CSMD1: variants seen among roughly 807,000 people sequenced by gnomAD.
CSMD1 encodes CUB and sushi domain-containing protein 1.
Under a neutral mutation model 417.5 loss-of-function variants are expected in CSMD1, and 213 were observed. The observed-to-expected ratio is 0.51, with a 90% CI of 0.46 to 0.57. The LOEUF (loss-of-function observed/expected upper bound fraction) is 0.57. Ranked by LOEUF, CSMD1 falls within the 20% of genes least tolerant of loss-of-function variation. The probability of loss-of-function intolerance (pLI) is 0.00; values close to 1 mark genes in which losing one functional copy is unlikely to be tolerated. For missense variants in CSMD1, 6,923 were observed against 4,529.7 expected (o/e 1.53, Z -15.17); for synonymous variants, 2,862 against 1,736.8 (o/e 1.65, Z -16.11).
chr8:3,343,277 A>G lies in CSMD1; in HGVS notation c.3631+17T>C. Reference sequence around the variant, plus strand: ...ACAAAATGAAAAAAGAACGTGATTAAGTCGTATGTTACTTACTGGTATAGG... The same window carrying G: ...ACAAAATGAAAAAAGAACGTGATTAGGTCGTATGTTACTTACTGGTATAGG... On this transcript the variant is annotated intron_variant, in intron 23 of 69. Coordinates refer to ENST00000635120, the MANE Select transcript of CSMD1 (RefSeq NM_033225.6). 1 of 1,607,112 alleles carries G rather than the reference A, an allele frequency of 6.2e-7. No homozygotes were observed. Among genetic ancestry groups the G allele is most frequent in the Non-Finnish European group, 8.5e-7 (1 of 1,174,586 alleles).
chr8:4,583,749 G>A (rs538271637), intron 2 of CSMD1, among the ~76,000 whole-genome samples: 7 of 149,324 alleles, frequency 4.7e-5, no homozygotes, highest in Non-Finnish European at 8.8e-5. Flanking sequence ...ACAGACCACT[G>A]GGCTCTATCA....
intron 7 of CSMD1, among the ~76,000 whole-genome samples, chr8:3,653,834 T>G (rs538779103): frequency 2.6e-5 from 4 of 152,294 alleles, no homozygotes; most frequent in African/African-American, 9.6e-5. Context: ...TAGATTTAAA[T>G]ATATATATTT....
intron 8 of CSMD1, among the ~76,000 whole-genome samples, chr8:3,615,852 G>A (rs907872392): frequency 2.0e-5 from 3 of 151,934 alleles, no homozygotes; most frequent in Non-Finnish European, 2.9e-5. Flanking sequence ...TCTAATAATT[G>A]CATCCATCTT....
intron 1 of CSMD1, among the ~76,000 whole-genome samples, chr8:4,724,528 G>C (rs957632201): frequency 5.7e-4 from 79 of 139,074 alleles, no homozygotes; most frequent in South Asian, 4.8e-4. Flanking sequence ...ATATGTGTGT[G>C]TGTGTGTGTG....
chr8:4,812,137 G>A (rs1331699215), intron 1 of CSMD1, among the ~76,000 whole-genome samples: 2 of 152,108 alleles, frequency 1.3e-5, no homozygotes, highest in African/African-American at 4.8e-5. Flanking sequence ...AACCAATTAT[G>A]CCCTTCTGTG....
At chr8:3,677,411 C>T (rs1036087177) in intron 7 of CSMD1, among the ~76,000 whole-genome samples, 3 of 152,262 alleles carry the variant, frequency 2.0e-5, no homozygotes, top group African/African-American at 7.2e-5. Flanking sequence ...AAGGCCAATG[C>T]ATGGGAAACA....
At chr8:4,976,417 T>A (rs1428388887) in intron 1 of CSMD1, among the ~76,000 whole-genome samples, 1 of 152,226 alleles carries the variant, frequency 6.6e-6, no homozygotes, top group East Asian at 1.9e-4. Flanking sequence ...TAATGAAATA[T>A]AAAGAAAGTT....
intron 3 of CSMD1, among the ~76,000 whole-genome samples, chr8:4,039,524 A>T (rs567906810): frequency 6.6e-6 from 1 of 152,262 alleles, no homozygotes; most frequent in South Asian, 2.1e-4. Flanking sequence ...GTGCTGACAA[A>T]GCATTTATGA....
chr8:4,760,762 G>C (rs930676464), intron 1 of CSMD1, among the ~76,000 whole-genome samples: 2 of 152,078 alleles, frequency 1.3e-5, no homozygotes, highest in African/African-American at 4.8e-5. Flanking sequence ...TATCAGCTAA[G>C]TTTTAGAACT....
At chr8:4,195,970 G>C (rs1037003062) in intron 3 of CSMD1, among the ~76,000 whole-genome samples, 4 of 151,970 alleles carry the variant, frequency 2.6e-5, no homozygotes, top group Admixed American at 1.3e-4. Context: ...CCAACACTTT[G>C]GGGCACCGAG....
At chr8:3,049,544 T>C (rs79979990) in intron 50 of CSMD1, among the ~76,000 whole-genome samples, 45,182 of 151,680 alleles carry the variant, frequency 0.3, 6,875 homozygotes, top group East Asian at 0.36. Context: ...ACTATGGAGA[T>C]GAAAGATCAA....
chr8:3,880,721 G>A (rs1443146651), intron 5 of CSMD1, among the ~76,000 whole-genome samples: 1 of 152,132 alleles, frequency 6.6e-6, no homozygotes, highest in African/African-American at 2.4e-5. Flanking sequence ...CCTTAAATAA[G>A]CAAAATATAT....
At chr8:3,634,751 A>G (rs560743533) in intron 7 of CSMD1, among the ~76,000 whole-genome samples, 6 of 152,094 alleles carry the variant, frequency 3.9e-5, no homozygotes, top group Admixed American at 1.3e-4. Flanking sequence ...ATTAAGGCAC[A>G]CAGTTTGATT....
intron 2 of CSMD1, among the ~76,000 whole-genome samples, chr8:4,499,181 G>C (rs1383107768): frequency 6.6e-6 from 1 of 152,176 alleles, no homozygotes; most frequent in Non-Finnish European, 1.5e-5. Flanking sequence ...AGGAAAGCAA[G>C]ACAGAAAATT....
chr8:4,583,175 A>G (rs368356821), intron 2 of CSMD1, among the ~76,000 whole-genome samples: 7 of 152,158 alleles, frequency 4.6e-5, no homozygotes, highest in East Asian at 1.9e-4. Context: ...GCTCCACGGC[A>G]CCCAGTCCCA....
At chr8:2,971,624 A>G (rs1427168829) in intron 57 of CSMD1, among the ~76,000 whole-genome samples, 1 of 152,198 alleles carries the variant, frequency 6.6e-6, no homozygotes, top group Non-Finnish European at 1.5e-5. Flanking sequence ...CTGAAGTACT[A>G]TATGAAAGAG....
chr8:3,819,883 G>A (rs1274091474), intron 5 of CSMD1, among the ~76,000 whole-genome samples: 2 of 152,102 alleles, frequency 1.3e-5, no homozygotes, highest in Non-Finnish European at 2.9e-5. Flanking sequence ...AATCAAGCAG[G>A]GATCCAGAGT....
intron 1 of CSMD1, among the ~76,000 whole-genome samples, chr8:4,675,521 G>T (rs574059845): frequency 5.1e-4 from 78 of 152,244 alleles, no homozygotes; most frequent in African/African-American, 1.8e-3. Context: ...GACTGTAATG[G>T]AGGGACAAGT....
rs776728027 is a variant in CSMD1, at chr8:3,414,283, G to A, written c.1562-4678C>T. Among the ~76,000 whole-genome samples the A allele has an allele frequency of 1.1e-4, 13 of 116,322 alleles. No homozygotes were observed. The East Asian group carries it at 3.3e-3, about 29-fold the overall frequency. 76.3% of individuals were successfully genotyped at this position (116,322 alleles called of 152,430 possible). A position where few individuals can be genotyped will look rare whatever the true frequency, so the allele number is the denominator to read the frequency against. ...TTCCAAATTATTGAACTAGATATAA[G>A]ATTTGATAATGAAGGGGCCTACGGA... On this transcript the variant is annotated intron_variant, in intron 12 of 69. Coordinates refer to ENST00000635120, the MANE Select transcript of CSMD1 (RefSeq NM_033225.6).
Sources: gnomAD v4.1 joint callset for allele counts (sites outside exome capture counted in the v4.1 genomes callset) on GRCh38, gnomAD v4.1.1 for gene constraint, MANE v1.5 for transcripts, NCBI Gene and HGNC (gene_info 2026-07-23, HGNC 2026-07-21) for gene names.